CACNA2D1: variants seen among roughly 807,000 people sequenced by gnomAD.
CACNA2D1 encodes the protein calcium voltage-gated channel auxiliary subunit alpha2delta 1, also known as voltage-dependent calcium channel subunit alpha-2/delta-1.
CACNA2D1 carries 53 observed loss-of-function variants against 171.5 expected under a neutral mutation model. The observed-to-expected ratio is 0.31, with a 90% CI of 0.25 to 0.39. CACNA2D1 has a LOEUF of 0.39. Ranked by LOEUF, CACNA2D1 falls within the 10% of genes least tolerant of loss-of-function variation. CACNA2D1 has a pLI of 1.00. For synonymous variants in CACNA2D1, 442 were observed against 443.1 expected, an observed-to-expected ratio of 1.00 and a Z score of 0.03; for missense variants, 903 against 1,299.8, an observed-to-expected ratio of 0.69 and a Z score of 4.69.
In CACNA2D1 at chr7:82,150,266, AAAACAAAAACAACAAC is replaced by A. The variant is rs1221688977; in HGVS notation, c.355-13606_355-13591del. Reference sequence around the variant, plus strand: ...TTGCTTTAGATCAAATTAAAAAAAAAAAACAAAAACAACAACAAAAAAAAACACCCTAGTAGCTGGG... The same window carrying A: ...TTGCTTTAGATCAAATTAAAAAAAAAAAAAAAAAACACCCTAGTAGCTGGG... On this transcript the variant is annotated intron_variant, in intron 4 of 38. Transcript: ENST00000356860. Among the ~76,000 whole-genome samples the A allele has an allele frequency of 6.9e-5, 6 of 87,156 alleles. 1 individual carries two copies. Among genetic ancestry groups the A allele is most frequent in the East Asian group, 2.6e-4 (1 of 3,888 alleles). The allele number at this position is 87,156 out of a possible 152,430, so 57.2% of individuals were successfully genotyped here.
At chr7:82,273,486 T>C (rs2129354860) in intron 3 of CACNA2D1, among the ~76,000 whole-genome samples, 1 of 151,626 alleles carries the variant, frequency 6.6e-6, no homozygotes. Flanking sequence ...ATATTTTCTA[T>C]TTTATTATTA....
chr7:82,320,029 G>A (rs1815619602), intron 3 of CACNA2D1, among the ~76,000 whole-genome samples: 1 of 151,986 alleles, frequency 6.6e-6, no homozygotes, highest in Non-Finnish European at 1.5e-5. Flanking sequence ...TAGAGCATAT[G>A]AGCTGGTATC....
intron 3 of CACNA2D1, among the ~76,000 whole-genome samples, chr7:82,171,279 T>C (rs903998267): frequency 3.9e-5 from 6 of 152,114 alleles, no homozygotes; most frequent in Admixed American, 1.3e-4. Flanking sequence ...GGAGATGACA[T>C]TGCTAGTGTC....
At chr7:82,326,455 C>A (rs1585506799) in intron 3 of CACNA2D1, among the ~76,000 whole-genome samples, 1 of 152,142 alleles carries the variant, frequency 6.6e-6, no homozygotes, top group Non-Finnish European at 1.5e-5. Flanking sequence ...CTTCTCCAGG[C>A]TTTCATTCTC....
At chr7:82,353,740 T>C (rs1165673607) in intron 1 of CACNA2D1, among the ~76,000 whole-genome samples, 1 of 152,094 alleles carries the variant, frequency 6.6e-6, no homozygotes, top group African/African-American at 2.4e-5. Flanking sequence ...CCACCTTATC[T>C]TTGAGGAGAA....
chr7:82,161,050 A>AT (rs764164538), intron 4 of CACNA2D1, among the ~76,000 whole-genome samples: 20 of 152,026 alleles, frequency 1.3e-4, no homozygotes, highest in Non-Finnish European at 2.1e-4. Flanking sequence ...CACCTTGTGT[A>AT]TTTTTTATGC....
chr7:82,220,728 T>C (rs1427926724), intron 3 of CACNA2D1, among the ~76,000 whole-genome samples: 1 of 151,982 alleles, frequency 6.6e-6, no homozygotes, highest in Non-Finnish European at 1.5e-5. Context: ...GAAAATCTTT[T>C]GTGATGCTAC....
chr7:81,967,029 G>T (rs924638792), intron 31 of CACNA2D1, 140 bp downstream of exon 31: 27 of 633,628 alleles, frequency 4.3e-5, no homozygotes, highest in Non-Finnish European at 6.7e-5. Flanking sequence ...AAATTCAAAT[G>T]AATATATTAT....
At chr7:82,056,786 C>T (rs576656166) in intron 10 of CACNA2D1, among the ~76,000 whole-genome samples, 2 of 152,238 alleles carry the variant, frequency 1.3e-5, no homozygotes, top group Admixed American at 1.3e-4. Flanking sequence ...TATGGGTTCC[C>T]CTTTCTTGTT....
chr7:82,303,929 T>C (rs1376398846), intron 3 of CACNA2D1, among the ~76,000 whole-genome samples: 1 of 151,928 alleles, frequency 6.6e-6, no homozygotes, highest in Non-Finnish European at 1.5e-5. Context: ...AGACAACCTA[T>C]TGAAGGGGAG....
intron 3 of CACNA2D1, among the ~76,000 whole-genome samples, chr7:82,268,385 C>T (rs38569): frequency 0.75 from 114,309 of 152,044 alleles, 44,265 homozygotes; most frequent in African/African-American, 0.94. Flanking sequence ...AAGGTTCTTT[C>T]ACAAAAATAA....
intron 38 of CACNA2D1, among the ~76,000 whole-genome samples, chr7:81,951,547 G>T (rs1792520966): frequency 6.6e-6 from 1 of 151,948 alleles, no homozygotes; most frequent in Non-Finnish European, 1.5e-5. Flanking sequence ...TTATGCCTCT[G>T]CATCCTTATA....
At chr7:82,131,766 G>A (rs933855473) in intron 5 of CACNA2D1, among the ~76,000 whole-genome samples, 5 of 152,098 alleles carry the variant, frequency 3.3e-5, no homozygotes, top group African/African-American at 1.2e-4. Context: ...AGCTAAACTA[G>A]CATGTATAAA....
intron 1 of CACNA2D1, among the ~76,000 whole-genome samples, chr7:82,410,941 A>G (rs950725995): frequency 6.6e-6 from 1 of 152,208 alleles, no homozygotes; most frequent in African/African-American, 2.4e-5. Flanking sequence ...ATTCTAAAAT[A>G]AGCTTCTTTG....
At chr7:82,318,519 C>A (rs1004685195) in intron 3 of CACNA2D1, among the ~76,000 whole-genome samples, 1 of 152,120 alleles carries the variant, frequency 6.6e-6, no homozygotes, top group Admixed American at 6.6e-5. Flanking sequence ...AAATTCACCA[C>A]ACATTTTATG....
chr7:82,040,464 A>AAAC (rs1437016328), intron 10 of CACNA2D1, among the ~76,000 whole-genome samples: 1 of 147,062 alleles, frequency 6.8e-6, no homozygotes, highest in African/African-American at 2.5e-5. Context: ...AAAAAAAAAA[A>AAAC]AAAAAAACAG....
chr7:82,160,407 A>T (rs747581425), intron 4 of CACNA2D1, among the ~76,000 whole-genome samples: 1 of 152,128 alleles, frequency 6.6e-6, no homozygotes, highest in Non-Finnish European at 1.5e-5. Context: ...TTGCTGATAA[A>T]ATTTAATCCA....
chr7:82,067,498 A>G (rs1320685477), intron 7 of CACNA2D1, among the ~76,000 whole-genome samples: 1 of 152,220 alleles, frequency 6.6e-6, no homozygotes, highest in African/African-American at 2.4e-5. Flanking sequence ...ACTATATACA[A>G]TGAAACTCTT....
At chr7:81,965,761 T>C (rs1375778054) in intron 31 of CACNA2D1, 96 bp from the exon 32 acceptor site, 2 of 772,580 alleles carry the variant, frequency 2.6e-6, no homozygotes, top group Non-Finnish European at 4.7e-6. Context: ...GCAATAAAAA[T>C]AGAAAATTTT....
Sources: allele counts gnomAD v4.1 joint callset (sites outside exome capture counted in the v4.1 genomes callset), GRCh38; gene constraint gnomAD v4.1.1; transcripts MANE v1.5; gene names NCBI Gene and HGNC (gene_info 2026-07-23, HGNC 2026-07-21).